The following PLXDC2 variants were observed in gnomAD, a reference collection of about 807,000 sequenced individuals.
The protein encoded by PLXDC2 is plexin domain-containing protein 2.
Under a neutral mutation model 68.9 loss-of-function variants are expected in PLXDC2, and 40 were observed. The ratio of observed to expected loss-of-function variants is 0.58; its 90% CI spans 0.45 to 0.76. The LOEUF is 0.76. Ranked by LOEUF, PLXDC2 falls within the 30% of genes least tolerant of loss-of-function variation. PLXDC2 has a pLI of 0.00. For missense variants in PLXDC2, 644 were observed against 661.9 expected, an observed-to-expected ratio of 0.97 and a Z score of 0.30; for synonymous variants, 243 against 234.2, an observed-to-expected ratio of 1.04 and a Z score of -0.34.
intron 1 of PLXDC2, among the ~76,000 whole-genome samples, chr10:19,997,904 A>G (rs1040469987): frequency 1.3e-5 from 2 of 152,220 alleles, no homozygotes; most frequent in African/African-American, 4.8e-5. Flanking sequence ...AGATCAATGT[A>G]TATATTGTAT....
rs1448423997 is a variant in PLXDC2, at chr10:20,285,589, GAA to G, written c.*5776_*5777del. The G allele has an allele frequency of 6.6e-6, 1 of 152,168 alleles. No homozygotes were observed. The highest frequency in any genetic ancestry group is 2.1e-4 in the South Asian group (1 of 4,810). The allele number at this position is 152,168 out of a possible 1,614,324, so 9.4% of individuals were successfully genotyped here. The stretch of plus-strand genomic sequence containing the variant: ...GTAGACCTGTTAATTTTATCTGTGA[GAA>G]AAAAAGTTACTCAAAATTCTCCCTG... On this transcript the variant is annotated 3_prime_UTR_variant, in exon 14 of 14. Transcript: ENST00000377252.
chr10:20,114,875 A>G (rs1175572897), intron 4 of PLXDC2, among the ~76,000 whole-genome samples: 1 of 152,206 alleles, frequency 6.6e-6, no homozygotes, highest in Non-Finnish European at 1.5e-5. Context: ...GCTGTGTTTG[A>G]AAATTCAGCA....
chr10:20,189,476 CA>C (rs1834731217), intron 9 of PLXDC2, among the ~76,000 whole-genome samples: 2 of 75,808 alleles, frequency 2.6e-5, no homozygotes, highest in African/African-American at 1.0e-4. Flanking sequence ...AAAGGTAGGC[CA>C]TATATATATA....
chr10:19,838,775 T>C (rs1025648510), intron 1 of PLXDC2, among the ~76,000 whole-genome samples: 2 of 152,228 alleles, frequency 1.3e-5, no homozygotes, highest in Admixed American at 6.5e-5. Context: ...AACAATGTGC[T>C]GGTTGATTAG....
At chr10:20,167,105 GAA>G (rs145030604) in intron 7 of PLXDC2, among the ~76,000 whole-genome samples, 7,163 of 152,190 alleles carry the variant, frequency 0.047, 227 homozygotes, top group African/African-American at 0.084. Flanking sequence ...AAGAAGGAAT[GAA>G]AGATTTGGGT....
At chr10:20,172,206 A>T (rs1317056980) in intron 7 of PLXDC2, among the ~76,000 whole-genome samples, 1 of 147,486 alleles carries the variant, frequency 6.8e-6, no homozygotes, top group East Asian at 2.1e-4. Flanking sequence ...AATTTAATGA[A>T]GTCACAGTCT....
intron 1 of PLXDC2, among the ~76,000 whole-genome samples, chr10:19,931,684 T>G (rs1833636948): frequency 6.6e-6 from 1 of 152,116 alleles, no homozygotes; most frequent in African/African-American, 2.4e-5. Context: ...TTCACCAGCT[T>G]GTTTATCAAT....
intron 12 of PLXDC2, among the ~76,000 whole-genome samples, chr10:20,225,711 A>G (rs1470662986): frequency 6.6e-6 from 1 of 152,166 alleles, no homozygotes; most frequent in Non-Finnish European, 1.5e-5. Context: ...CCAGTCTGAG[A>G]TGTAATTGTT....
intron 7 of PLXDC2, among the ~76,000 whole-genome samples, chr10:20,169,093 G>A (rs1162353340): frequency 1.3e-5 from 2 of 152,154 alleles, no homozygotes; most frequent in African/African-American, 4.8e-5. Flanking sequence ...TGTCACTAAA[G>A]AGGTTGGTTA....
At chr10:19,962,201 A>C (rs1834164282) in intron 1 of PLXDC2, among the ~76,000 whole-genome samples, 2 of 152,094 alleles carry the variant, frequency 1.3e-5, no homozygotes, top group East Asian at 1.9e-4. Context: ...CTGAGTTTAG[A>C]GCACTTAGAT....
At chr10:19,990,959 G>A (rs1834738089) in intron 1 of PLXDC2, among the ~76,000 whole-genome samples, 2 of 152,124 alleles carry the variant, frequency 1.3e-5, no homozygotes, top group Non-Finnish European at 1.5e-5. Context: ...TTGAAAGTAT[G>A]ATTCAGGCCG....
At chr10:20,122,758 T>C (rs1001765285) in intron 4 of PLXDC2, among the ~76,000 whole-genome samples, 1 of 152,168 alleles carries the variant, frequency 6.6e-6, no homozygotes, top group Non-Finnish European at 1.5e-5. Flanking sequence ...TTTTCTACTA[T>C]TGTACACCTT....
chr10:20,285,771 A>AC lies in PLXDC2; in HGVS notation c.*5953dup, dbSNP rs1836145738. Reference sequence around the variant, plus strand: ...ACCAGTGTATCAAAAAAGCATTTGCACTTTAGGTGTGTGTGGTGGTTATGT... The same window carrying AC: ...ACCAGTGTATCAAAAAAGCATTTGCACCTTTAGGTGTGTGTGGTGGTTATGT... On this transcript the variant is annotated 3_prime_UTR_variant, in exon 14 of 14. Coordinates refer to ENST00000377252, the MANE Select transcript of PLXDC2 (RefSeq NM_032812.9). 1 of 152,208 alleles carries AC rather than the reference A, an allele frequency of 6.6e-6. No individual in the cohort carries two copies. Among genetic ancestry groups the AC allele is most frequent in the Non-Finnish European group, 1.5e-5 (1 of 68,028 alleles). 9.4% of individuals were successfully genotyped at this position (152,208 alleles called of 1,614,324 possible).
chr10:20,191,684 A>C (rs1834767654), intron 9 of PLXDC2, among the ~76,000 whole-genome samples: 1 of 151,828 alleles, frequency 6.6e-6, no homozygotes, highest in Non-Finnish European at 1.5e-5. Flanking sequence ...GAGGGATAGC[A>C]TTAGGAGATA....
rs550378412 is a variant in PLXDC2, at chr10:20,016,914, C to T, written c.324+14928C>T. On this transcript the variant is annotated intron_variant, in intron 2 of 13. Transcript: ENST00000377252. ...GCAGTTTCCAAAGACAATGAGGGGGCTTACAGGGAAAGCATCTTCCTGGCT... is the reference window on the plus strand; with the variant it reads ...GCAGTTTCCAAAGACAATGAGGGGGTTTACAGGGAAAGCATCTTCCTGGCT... 4.6e-5 allele frequency among the ~76,000 whole-genome samples: 7 copies of T among 152,308 alleles called. No homozygotes were observed. In the East Asian group the frequency reaches 1.2e-3, roughly 25 times the overall value.
At chr10:20,179,530 A>AC (rs964303939) in intron 9 of PLXDC2, among the ~76,000 whole-genome samples, 6 of 151,956 alleles carry the variant, frequency 3.9e-5, no homozygotes, top group African/African-American at 4.8e-5. Context: ...GGACCATTTG[A>AC]CCCCCCTAAC....
chr10:20,119,437 C>A (rs1302583876), intron 4 of PLXDC2, among the ~76,000 whole-genome samples: 1 of 151,762 alleles, frequency 6.6e-6, no homozygotes, highest in African/African-American at 2.4e-5. Flanking sequence ...CAGGATGAGC[C>A]AGGAGAAGGA....
intron 4 of PLXDC2, among the ~76,000 whole-genome samples, chr10:20,096,085 G>C (rs529603042): frequency 6.6e-6 from 1 of 152,050 alleles, no homozygotes; most frequent in African/African-American, 2.4e-5. Flanking sequence ...TTTGCAGAAC[G>C]AGTGTTCCCT....
chr10:19,856,147 G>T (rs1316825008), intron 1 of PLXDC2, among the ~76,000 whole-genome samples: 2 of 151,878 alleles, frequency 1.3e-5, no homozygotes, highest in Non-Finnish European at 2.9e-5. Flanking sequence ...TAAAAACTGG[G>T]TATGTCAGAT....
Sources: gnomAD v4.1 joint callset for allele counts (sites outside exome capture counted in the v4.1 genomes callset) on GRCh38, gnomAD v4.1.1 for gene constraint, MANE v1.5 for transcripts, NCBI Gene and HGNC (gene_info 2026-07-23, HGNC 2026-07-21) for gene names.